Variants in PDZD2 observed in about 807,000 individuals in gnomAD.
The protein encoded by PDZD2 is PDZ domain containing 2, also known as PDZ domain-containing protein 2.
Under a neutral mutation model 220.7 loss-of-function variants are expected in PDZD2, and 90 were observed. The ratio of observed to expected loss-of-function variants is 0.41; its 90% CI spans 0.34 to 0.49. The LOEUF (loss-of-function observed/expected upper bound fraction) is 0.49, where lower values mean the gene tolerates loss of function less well. PDZD2 is among the 20% of genes least tolerant of loss of function. PDZD2 has a pLI of 0.28. For synonymous variants in PDZD2, 1,375 were observed against 1,450.5 expected (o/e 0.95, Z 1.18); for missense variants, 3,174 against 3,608.5 (o/e 0.88, Z 3.08).
chr5:31,756,503 C>G (rs940081370), intron 1 of PDZD2, among the ~76,000 whole-genome samples: 6 of 152,226 alleles, frequency 3.9e-5, no homozygotes, highest in Non-Finnish European at 8.8e-5. Flanking sequence ...ACAAGAAGTC[C>G]TGTGGCCACT....
chr5:31,688,895 G>A (rs1316493403), intron 1 of PDZD2, among the ~76,000 whole-genome samples: 1 of 152,120 alleles, frequency 6.6e-6, no homozygotes, highest in African/African-American at 2.4e-5. Flanking sequence ...GGCTCCCCTG[G>A]GGGTAATTAG....
chr5:32,072,180 C>G lies in PDZD2; in HGVS notation c.2588C>G (p.Ser863Cys). The change falls in exon 17 of 25, where the codon TCT (serine) becomes TGT (cysteine). Residue 863 changes from serine to cysteine, a missense_variant. Coordinates refer to ENST00000438447, the MANE Select transcript of PDZD2 (RefSeq NM_178140.4). ...CAACAGGACTCCCTTATTTCTGAAT[C>G]TGAACTCTCCCAGTACTTTGCCCAC... ...LAKKDSLISE[S>C]ELSQYFAHDV... is the part of the protein sequence containing the mutation. 6.2e-7 allele frequency: 1 copy of G among 1,610,614 alleles called. No individual in the cohort carries two copies.
At chr5:31,859,149 C>T (rs1020000245) in intron 2 of PDZD2, among the ~76,000 whole-genome samples, 6 of 152,098 alleles carry the variant, frequency 3.9e-5, no homozygotes, top group African/African-American at 1.4e-4. Flanking sequence ...CAATCAGCAG[C>T]ACCCATTCCC....
chr5:32,090,281 A>G lies in PDZD2; in HGVS notation c.6833A>G (p.Tyr2278Cys), dbSNP rs925968830. The G allele has an allele frequency of 6.2e-7, 1 of 1,614,068 alleles. No homozygotes were observed. Among genetic ancestry groups the G allele is most frequent in the Non-Finnish European group, 8.5e-7 (1 of 1,180,038 alleles). ...AGCCTGGCTAATGGACAGGGCATAT[A>G]TAGTGTAAAGCCGCTGCTGGACACA... The part of the protein sequence containing the change: ...LPSLANGQGI[Y>C]SVKPLLDTSR... The change falls in exon 20 of 25, where the codon TAT (tyrosine) becomes TGT (cysteine). Residue 2278 changes from tyrosine (Y) to cysteine (C), a missense_variant. Tyr to Cys is a radical substitution (Grantham distance 194). Transcript: ENST00000438447. The surrounding 1 kb of genome is among the most constrained non-coding windows in gnomAD (Gnocchi z 4.3).
intron 2 of PDZD2, among the ~76,000 whole-genome samples, chr5:31,887,880 G>T (rs375482785): frequency 6.6e-6 from 1 of 150,656 alleles, no homozygotes; most frequent in Non-Finnish European, 1.5e-5. Flanking sequence ...GTCTGTGGGG[G>T]GACAGTTACA....
At chr5:31,737,791 G>A (rs10054060) in intron 1 of PDZD2, among the ~76,000 whole-genome samples, 44,954 of 151,908 alleles carry the variant, frequency 0.3, 7,215 homozygotes, top group African/African-American at 0.43. Flanking sequence ...CTTTAAAACT[G>A]TATCATGACT....
At chr5:31,961,188 A>T (rs7703211) in intron 2 of PDZD2, among the ~76,000 whole-genome samples, 99,261 of 151,920 alleles carry the variant, frequency 0.65, 32,598 homozygotes, top group East Asian at 0.81. Flanking sequence ...GGAAAAGATC[A>T]ATGGTTGGAT....
chr5:31,666,807 T>A (rs1746005624), intron 1 of PDZD2, among the ~76,000 whole-genome samples: 1 of 152,162 alleles, frequency 6.6e-6, no homozygotes. Flanking sequence ...GTCTTTAAGA[T>A]CAGATAGACC....
At chr5:31,922,201 G>T (rs1443891942) in intron 2 of PDZD2, among the ~76,000 whole-genome samples, 6 of 152,198 alleles carry the variant, frequency 3.9e-5, no homozygotes, top group African/African-American at 1.4e-4. Context: ...GAAAGCTGTG[G>T]TTTTGTGAGT....
intron 2 of PDZD2, among the ~76,000 whole-genome samples, chr5:31,964,774 G>A (rs1167851110): frequency 1.3e-5 from 2 of 152,122 alleles, no homozygotes; most frequent in Non-Finnish European, 2.9e-5. Context: ...GGAGGGCAGC[G>A]GCGCGATCTC....
rs539422192 is a variant in PDZD2 at position 31,640,467 on chromosome 5, A to G, written c.-361+1030A>G. 2.6e-5 allele frequency among the ~76,000 whole-genome samples: 4 copies of G among 152,296 alleles called. 1 individual carries two copies. The South Asian group carries it at 6.2e-4, about 24-fold the overall frequency. ...CCTCCACCAAAGGTAGGGTAGGTGG[A>G]TATGTTTGCCTTGACAAATCGCAAT... On this transcript the variant is annotated intron_variant, in intron 1 of 24. Transcript: ENST00000438447.
intron 6 of PDZD2, among the ~76,000 whole-genome samples, chr5:32,011,008 C>CAAAAAAAAAAAAAA (rs34837601): frequency 1.0e-5 from 1 of 100,370 alleles, no homozygotes; most frequent in Admixed American, 1.2e-4. Flanking sequence ...AAAAACCTCT[C>CAAAAAAAAAAAAAA]AAAAAAAAAA....
At chr5:31,760,149 C>T (rs1456224981) in intron 1 of PDZD2, among the ~76,000 whole-genome samples, 1 of 152,010 alleles carries the variant, frequency 6.6e-6, no homozygotes, top group Non-Finnish European at 1.5e-5. Context: ...AATAAAGTGG[C>T]CATTGCGTTG....
intron 1 of PDZD2, among the ~76,000 whole-genome samples, chr5:31,691,655 G>A (rs1224706663): frequency 5.9e-5 from 9 of 152,232 alleles, no homozygotes; most frequent in Admixed American, 4.6e-4. Context: ...GTTTTGACAG[G>A]GCACTGATTG....
intron 5 of PDZD2, among the ~76,000 whole-genome samples, chr5:32,005,693 T>C (rs1752745908): frequency 6.6e-6 from 1 of 152,156 alleles, no homozygotes; most frequent in South Asian, 2.1e-4. Context: ...GGAAACGGCA[T>C]ATATACCCTG....
intron 24 of PDZD2, among the ~76,000 whole-genome samples, chr5:32,103,278 C>T (rs2111711518): frequency 6.6e-6 from 1 of 152,238 alleles, no homozygotes. Flanking sequence ...CCTTGTTAGG[C>T]AGAGTGGTGC....
chr5:31,998,967 C>G (rs1035020479), intron 4 of PDZD2, among the ~76,000 whole-genome samples: 2 of 152,218 alleles, frequency 1.3e-5, no homozygotes, highest in Non-Finnish European at 2.9e-5. Context: ...ACTGGAGGCT[C>G]TGGTGGAATC....
chr5:31,881,326 A>ATGTGTGTGTGTG (rs67969355), intron 2 of PDZD2, among the ~76,000 whole-genome samples: 1 of 123,224 alleles, frequency 8.1e-6, no homozygotes, highest in African/African-American at 3.1e-5. Flanking sequence ...TTCCATATAT[A>ATGTGTGTGTGTG]TGTGTGTGTG....
At chr5:31,939,652 G>A (rs572088631) in intron 2 of PDZD2, among the ~76,000 whole-genome samples, 1 of 152,290 alleles carries the variant, frequency 6.6e-6, no homozygotes, top group East Asian at 1.9e-4. Flanking sequence ...CTCCTAAAGA[G>A]ACAGAAACCA....
Sources: gnomAD v4.1 joint callset for allele counts (sites outside exome capture counted in the v4.1 genomes callset) on GRCh38, gnomAD v4.1.1 for gene constraint, Gnocchi (gnomAD v3.1) non-coding constraint, MANE v1.5 for transcripts, NCBI Gene and HGNC (gene_info 2026-07-23, HGNC 2026-07-21) for gene names.